Variants in KIF2A observed in about 807,000 individuals in gnomAD.
KIF2A encodes the protein kinesin family member 2A.
Under a neutral mutation model 100.2 loss-of-function variants are expected in KIF2A, and 22 were observed. The ratio of observed to expected loss-of-function variants is 0.22; its 90% confidence interval spans 0.16 to 0.31. The LOEUF (loss-of-function observed/expected upper bound fraction) is 0.31, where lower values mean the gene tolerates loss of function less well. KIF2A is among the 10% of genes least tolerant of loss of function. The pLI is 1.00. For missense variants in KIF2A, 495 were observed against 898.7 expected, an observed-to-expected ratio of 0.55 and a Z score of 5.74; for synonymous variants, 268 against 285.9, an observed-to-expected ratio of 0.94 and a Z score of 0.63.
intron 1 of KIF2A, among the ~76,000 whole-genome samples, chr5:62,318,088 CT>C (rs1285762833): frequency 1.8e-3 from 259 of 144,756 alleles, no homozygotes; most frequent in African/African-American, 3.8e-3. Context: ...ATTTAGTGGA[CT>C]TTTTTTTTTT....
At chr5:62,377,849 TA>T (rs1741614332) in intron 19 of KIF2A, 87 bp downstream of exon 19, 4 of 734,622 alleles carry the variant, frequency 5.4e-6, no homozygotes, top group Non-Finnish European at 6.6e-6. Context: ...CACTATTCCT[TA>T]AAAAATACTT....
intron 1 of KIF2A, among the ~76,000 whole-genome samples, chr5:62,312,345 G>A (rs1409297913): frequency 1.3e-5 from 2 of 152,172 alleles, no homozygotes; most frequent in African/African-American, 4.8e-5. Flanking sequence ...ATAAGACAAG[G>A]GGCAAGAGTG....
intron 19 of KIF2A, among the ~76,000 whole-genome samples, chr5:62,378,599 A>C (rs543762708): frequency 6.6e-6 from 1 of 152,218 alleles, no homozygotes; most frequent in Non-Finnish European, 1.5e-5. Context: ...ACTTTATGTC[A>C]GATTAGGATA....
intron 1 of KIF2A, among the ~76,000 whole-genome samples, chr5:62,330,236 A>C (rs1383267430): frequency 6.6e-6 from 1 of 152,186 alleles, no homozygotes; most frequent in East Asian, 1.9e-4. Context: ...CTCTGGTTCC[A>C]GCTACTTGGA....
intron 20 of KIF2A, among the ~76,000 whole-genome samples, chr5:62,384,209 A>G (rs1741915517): frequency 6.6e-6 from 1 of 152,206 alleles, no homozygotes; most frequent in Admixed American, 6.5e-5. Flanking sequence ...AGATCACGCC[A>G]CTGCACTCCA....
intron 1 of KIF2A, among the ~76,000 whole-genome samples, chr5:62,346,212 T>G (rs886630704): frequency 6.6e-6 from 1 of 152,140 alleles, no homozygotes; most frequent in Non-Finnish European, 1.5e-5. Flanking sequence ...AAAATAAGTT[T>G]ACTACATTAT....
At chr5:62,383,108 G>A (rs1170945602) in intron 20 of KIF2A, among the ~76,000 whole-genome samples, 1 of 144,992 alleles carries the variant, frequency 6.9e-6, no homozygotes, top group South Asian at 2.2e-4. Flanking sequence ...TGTATTTTTA[G>A]TAGAGACCGG....
intron 20 of KIF2A, 64 bp from the exon 21 acceptor site, chr5:62,385,420 A>G (rs901934426): frequency 2.7e-6 from 3 of 1,124,578 alleles, no homozygotes; most frequent in Non-Finnish European, 3.9e-6. Context: ...TTGAACCCAT[A>G]AAGTTGTAAA....
chr5:62,380,672 G>T (rs1018959302), intron 19 of KIF2A, among the ~76,000 whole-genome samples: 2 of 152,152 alleles, frequency 1.3e-5, no homozygotes, highest in African/African-American at 4.8e-5. Flanking sequence ...TTACCACAAA[G>T]TAAGCTAGAG....
chr5:62,332,292 A>G (rs1746694973), intron 1 of KIF2A, among the ~76,000 whole-genome samples: 1 of 152,094 alleles, frequency 6.6e-6, no homozygotes, highest in East Asian at 1.9e-4. Context: ...CCATGTATTT[A>G]TTTTTCTTCA....
intron 7 of KIF2A, 52 bp from the exon 8 acceptor site, chr5:62,357,639 G>A: frequency 1.1e-6 from 1 of 886,748 alleles, no homozygotes; most frequent in Non-Finnish European, 1.7e-6. Context: ...TTACGTTTTA[G>A]TGTTTTACAT....
chr5:62,384,734 A>G (rs762856985), intron 20 of KIF2A, among the ~76,000 whole-genome samples: 2 of 152,248 alleles, frequency 1.3e-5, no homozygotes, highest in African/African-American at 4.8e-5. Context: ...GCGTAAAATC[A>G]AGAAATATAT....
rs757751665 is a variant in KIF2A at position 62,388,176 on chromosome 5, CAT to C, written c.*2609_*2610del. On this transcript the variant is annotated 3_prime_UTR_variant, in exon 21 of 21. Coordinates refer to ENST00000407818, the MANE Select transcript of KIF2A (RefSeq NM_001098511.3). ...CTGGAAATTTTAATTGTCCAGAAATCATAGGAATACTGGGAACCTGTAGTTAT... is the reference window on the plus strand; with the variant it reads ...CTGGAAATTTTAATTGTCCAGAAATCAGGAATACTGGGAACCTGTAGTTAT... 7 of 152,114 alleles carry C rather than the reference CAT, an allele frequency of 4.6e-5. No homozygotes were observed. Among genetic ancestry groups the C allele is most frequent in the Non-Finnish European group, 7.4e-5 (5 of 68,026 alleles). 9.4% of individuals were successfully genotyped at this position (152,114 alleles called of 1,614,324 possible).
intron 1 of KIF2A, among the ~76,000 whole-genome samples, chr5:62,327,337 G>T (rs905024134): frequency 1.3e-5 from 2 of 152,014 alleles, no homozygotes; most frequent in African/African-American, 2.4e-5. Flanking sequence ...TCACCCCATC[G>T]CAGTGAAATT....
At chr5:62,343,831 C>T (rs1377255153) in intron 1 of KIF2A, among the ~76,000 whole-genome samples, 1 of 152,082 alleles carries the variant, frequency 6.6e-6, no homozygotes, top group Non-Finnish European at 1.5e-5. Context: ...TGAAAGCTCC[C>T]TAGGAGTTTC....
In KIF2A at chr5:62,386,351, G is replaced by A. The variant is rs1742024102; in HGVS notation, c.*782G>A. On this transcript the variant is annotated 3_prime_UTR_variant, in exon 21 of 21. Transcript: ENST00000407818. ...TTGTAAAGAACTACAATATAAACTA[G>A]TTGGTGTATAATAAAAAGTAATGAA... is the stretch of plus-strand genomic sequence containing the variant. The A allele has an allele frequency of 6.6e-6, 1 of 152,374 alleles. No individual in the cohort carries two copies. Among genetic ancestry groups the A allele is most frequent in the African/African-American group, 2.4e-5 (1 of 41,418 alleles). 9.4% of individuals were successfully genotyped at this position (152,374 alleles called of 1,614,324 possible).
Position 62,382,235 on chromosome 5 carries a change from T to C in KIF2A, c.2149+982T>C, listed in dbSNP as rs149803797. Among the ~76,000 whole-genome samples, 9 of 152,250 alleles carry C rather than the reference T, an allele frequency of 5.9e-5. No homozygotes were observed. The East Asian group carries it at 1.7e-3, about 29-fold the overall frequency. On this transcript the variant is annotated intron_variant, in intron 20 of 20. Coordinates refer to ENST00000407818, the MANE Select transcript of KIF2A (RefSeq NM_001098511.3). Reference sequence around the variant, plus strand: ...ATTTATTCATTTATTTAAATTGACATCCCAGCCTGGGCAACATAGAGATCC... The same window carrying C: ...ATTTATTCATTTATTTAAATTGACACCCCAGCCTGGGCAACATAGAGATCC...
intron 1 of KIF2A, among the ~76,000 whole-genome samples, chr5:62,331,762 G>A (rs1483739930): frequency 5.2e-4 from 74 of 142,588 alleles, no homozygotes; most frequent in Middle Eastern, 3.6e-3. Context: ...AAATAGAAAC[G>A]AAAAAAAAAA....
At chr5:62,359,244 C>T (rs1363521372) in intron 9 of KIF2A, among the ~76,000 whole-genome samples, 4 of 152,040 alleles carry the variant, frequency 2.6e-5, no homozygotes, top group Non-Finnish European at 5.9e-5. Context: ...ATAATTATAA[C>T]ACCAGTTTTA....
Sources: allele counts gnomAD v4.1 joint callset (sites outside exome capture counted in the v4.1 genomes callset), GRCh38; gene constraint gnomAD v4.1.1; transcripts MANE v1.5; gene names NCBI Gene and HGNC (gene_info 2026-07-23, HGNC 2026-07-21).